The following GRIFIN variants were observed in gnomAD, a reference collection of about 807,000 sequenced individuals.
GRIFIN encodes the protein putative grifin.
GRIFIN carries 22 observed loss-of-function variants against 18.2 expected under a neutral mutation model. The ratio of observed to expected loss-of-function variants is 1.21; its 90% CI spans 0.86 to 1.73. The LOEUF is 1.73. Among genes scored for constraint, GRIFIN ranks in the 40% most tolerant of loss-of-function variants. GRIFIN has a pLI of 0.00. For missense variants in GRIFIN, 200 were observed against 190.1 expected (o/e 1.05, Z -0.31); for synonymous variants, 101 against 82.8 (o/e 1.22, Z -1.19).
At chr7:2,475,115 G>A (rs1161995064) in intron 4 of GRIFIN, 26 bp downstream of exon 4, 1 of 1,558,854 alleles carries the variant, frequency 6.4e-7, no homozygotes, top group Non-Finnish European at 8.6e-7. Flanking sequence ...AATGGGCAGG[G>A]ACCTGGGTAG....
In GRIFIN at chr7:2,475,199, C is replaced by T. The variant is rs371591765; in HGVS notation, c.361G>A (p.Val121Met). ...RPLGATTRVR[V>M]LSDHCLAQVE... ...TGGGCCAGGCAGTGGTCACTCAGCA[C>T]GCGCACCCTGGTGGTGGCGCCCAGC... Residue 121 changes from valine to methionine, a missense_variant, in exon 4 of 5, where the codon GTG becomes ATG. Val to Met is a conservative substitution (Grantham distance 21). Transcript: ENST00000614228. 10 of 1,595,084 alleles carry T rather than the reference C, an allele frequency of 6.3e-6. No individual in the cohort carries two copies. Among genetic ancestry groups the T allele is most frequent in the Admixed American group, 1.7e-5 (1 of 59,504 alleles).
intron 1 of GRIFIN, 105 bp from the exon 2 acceptor site, chr7:2,476,104 C>G: frequency 1.0e-6 from 1 of 995,138 alleles, no homozygotes; most frequent in South Asian, 1.6e-5. Context: ...CCTGCCCACC[C>G]AGCCTGCCCC....
chr7:2,475,005 G>C lies in GRIFIN; in HGVS notation c.420-120C>G, dbSNP rs1172921083. The C allele has an allele frequency of 3.0e-6, 3 of 1,010,018 alleles. No individual in the cohort carries two copies. In the African/African-American group the frequency reaches 4.8e-5, roughly 16 times the overall value. 62.6% of individuals were successfully genotyped at this position (1,010,018 alleles called of 1,614,324 possible). On this transcript the variant is annotated intron_variant, in intron 4 of 4. Coordinates refer to ENST00000614228, the MANE Select transcript of GRIFIN (RefSeq NM_001394787.1). ...TGCAGGGCTGGCAGGGAGAGGAGCA[G>C]GGTGGGACGCCAGGCAGACAACCCC...
chr7:2,475,217 C>T lies in GRIFIN; in HGVS notation c.343G>A (p.Ala115Thr), dbSNP rs574460111. The change falls in exon 4 of 5, where the codon GCC (alanine) becomes ACC (threonine). Residue 115 changes from alanine to threonine, a missense_variant. Ala to Thr is a moderately conservative substitution (Grantham distance 58). Coordinates refer to ENST00000614228, the MANE Select transcript of GRIFIN (RefSeq NM_001394787.1). ...QFPCRQRPLG[A>T]TTRVRVLSDH... is the part of the protein sequence containing the mutation. ...CTCAGCACGCGCACCCTGGTGGTGG[C>T]GCCCAGCGGCCTCTGACGGCATGGG... 47 of 1,596,316 alleles carry T rather than the reference C, an allele frequency of 2.9e-5. No homozygotes were observed. Among genetic ancestry groups the T allele is most frequent in the Admixed American group, 1.5e-4 (9 of 59,668 alleles).
intron 1 of GRIFIN, 62 bp from the exon 2 acceptor site, chr7:2,476,061 A>G (rs889498742): frequency 2.5e-6 from 2 of 786,338 alleles, no homozygotes; most frequent in African/African-American, 3.3e-5. Context: ...TCCCACCCCC[A>G]CCCCCACCCT....
rs1778944767 is a variant in GRIFIN at position 2,475,559 on chromosome 7, C to A, written c.252+110G>T. On this transcript the variant is annotated intron_variant, in intron 3 of 4. Transcript: ENST00000614228. Reference sequence around the variant, plus strand: ...GGCCAGGGAGGCCACCCAGACCTTGCCCTGGCCCACTGACCTGTAAGCGTC... The same window carrying A: ...GGCCAGGGAGGCCACCCAGACCTTGACCTGGCCCACTGACCTGTAAGCGTC... 5 of 1,380,622 alleles carry A rather than the reference C, an allele frequency of 3.6e-6. No individual in the cohort carries two copies. In the Middle Eastern group the frequency reaches 7.9e-4, roughly 218 times the overall value. 85.5% of individuals were successfully genotyped at this position (1,380,622 alleles called of 1,614,324 possible). A position where few individuals can be genotyped will look rare whatever the true frequency, so the allele number is the denominator to read the frequency against.
chr7:2,475,723 C>A lies in GRIFIN; in HGVS notation c.198G>T (p.Trp66Cys). Residue 66 changes from tryptophan to cysteine, a missense_variant, in exon 3 of 5, where the codon TGG (tryptophan) becomes TGT (cysteine). Transcript: ENST00000614228. ...AGATGCTAGACACCTGCTCCGGGCC[C>A]CAGCGGCCGTACTGGAAGGCATTGC... ...VVGNAFQYGR[W>C]GPEQVSSIFP... The A allele has an allele frequency of 6.4e-7, 1 of 1,553,308 alleles. No individual in the cohort carries two copies. Among genetic ancestry groups the A allele is most frequent in the East Asian group, 2.4e-5 (1 of 42,246 alleles).
intron 4 of GRIFIN, 42 bp from the exon 5 acceptor site, chr7:2,474,927 A>G (rs1778928656): frequency 4.9e-6 from 3 of 617,030 alleles, no homozygotes; most frequent in Non-Finnish European, 8.5e-6. Flanking sequence ...TGCCCTGCCC[A>G]TGCACAGACC....
In GRIFIN at chr7:2,475,253, C is replaced by T. The variant is rs1179561291; in HGVS notation, c.307G>A (p.Val103Met). ...HFHVYAPEHKVLQFPCRQRPL... is the reference protein window; with the variant it reads ...HFHVYAPEHKMLQFPCRQRPL... ...CTCTGACGGCATGGGAACTGTAGCA[C>T]CTTGTGCTCCGGGGCGTAGACGTGG... The change falls in exon 4 of 5, where the codon GTG becomes ATG. Residue 103 changes from valine to methionine, a missense_variant. Transcript: ENST00000614228. 1.3e-6 allele frequency: 2 copies of T among 1,597,278 alleles called. No individual in the cohort carries two copies. The highest frequency in any genetic ancestry group is 1.1e-5 in the South Asian group (1 of 90,732).
chr7:2,475,552 G>T (rs1375315225), intron 3 of GRIFIN, 117 bp downstream of exon 3: 2 of 1,350,226 alleles, frequency 1.5e-6, no homozygotes, highest in African/African-American at 1.5e-5. Context: ...AGGCCACCCA[G>T]ACCTTGCCCT....
chr7:2,476,107 C>T, intron 1 of GRIFIN, 108 bp from the exon 2 acceptor site: 1 of 979,684 alleles, frequency 1.0e-6, no homozygotes, highest in Non-Finnish European at 1.5e-6. Flanking sequence ...GCCCACCCAG[C>T]CTGCCCCCAA....
chr7:2,475,834 G>A lies in GRIFIN; in HGVS notation c.93-6C>T, dbSNP rs1163902913. 1.7e-5 allele frequency: 26 copies of A among 1,575,560 alleles called. No homozygotes were observed. Among genetic ancestry groups the A allele is most frequent in the Non-Finnish European group, 2.2e-5 (26 of 1,162,340 alleles). On this transcript the variant is annotated splice_polypyrimidine_tract_variant and splice_region_variant and intron_variant, in intron 2 of 4. Coordinates refer to ENST00000614228, the MANE Select transcript of GRIFIN (RefSeq NM_001394787.1). ...ACAAGAAGTTAGTCTCGAACCTGGG[G>A]CGGACATGGTGCGGGTCAAGAGCTG...
Position 2,474,758 on chromosome 7 carries a change from T to G in GRIFIN, c.*112A>C, listed in dbSNP as rs969143326. On this transcript the variant is annotated 3_prime_UTR_variant, in exon 5 of 5. Transcript: ENST00000614228. ...TCTCAGAGTTTATTGAAGGTGGAGC[T>G]GCGAGGAGCACACAGGACCACAGAC... 2.4e-6 allele frequency: 1 copy of G among 418,672 alleles called. No individual in the cohort carries two copies. The highest frequency in any genetic ancestry group is 2.0e-5 in the African/African-American group (1 of 49,552). The allele number at this position is 418,672 out of a possible 1,614,324, so 25.9% of individuals were successfully genotyped here.
Position 2,475,244 on chromosome 7 carries a change from A to G in GRIFIN, c.316T>C (p.Phe106Leu), listed in dbSNP as rs1305397998. The G allele has an allele frequency of 5.0e-6, 8 of 1,597,360 alleles. No individual in the cohort carries two copies. Among genetic ancestry groups the G allele is most frequent in the Admixed American group, 1.7e-5 (1 of 59,820 alleles). ...CCCAGCGGCCTCTGACGGCATGGGA[A>G]CTGTAGCACCTTGTGCTCCGGGGCG... is the stretch of plus-strand genomic sequence containing the variant. ...VYAPEHKVLQ[F>L]PCRQRPLGAT... is the part of the protein sequence containing the mutation. Residue 106 changes from phenylalanine (F) to leucine (L), a missense_variant, in exon 4 of 5, where the codon TTC becomes CTC. By Grantham distance (22) the Phe-to-Leu change is conservative. Transcript: ENST00000614228.
chr7:2,475,498 G>T (rs1778943686), intron 3 of GRIFIN, 171 bp downstream of exon 3: 2 of 1,166,624 alleles, frequency 1.7e-6, no homozygotes, highest in African/African-American at 1.6e-5. Context: ...TGGTAGCCAG[G>T]GTGGTGGGTA....
In GRIFIN at chr7:2,475,932, G is replaced by A. The variant is rs1415410587; in HGVS notation, c.80C>T (p.Ser27Phe). ...CGGTGCCGCTGACCTGTCCTCTCCA[G>A]AGTCAGCATGTCCCTGGACCAGCAG... ...WKLLVQGHAD[S>F]GEDRFETNFL... Residue 27 changes from serine (S) to phenylalanine (F), a missense_variant, in exon 2 of 5, where the codon TCT (serine) becomes TTT (phenylalanine). Transcript: ENST00000614228. The A allele has an allele frequency of 1.3e-6, 2 of 1,598,254 alleles. No individual in the cohort carries two copies. Among genetic ancestry groups the A allele is most frequent in the African/African-American group, 2.7e-5 (2 of 74,894 alleles).
In GRIFIN at chr7:2,476,356, C is replaced by G. The variant is rs756573170; in HGVS notation, c.12+16G>C. On this transcript the variant is annotated intron_variant, in intron 1 of 4. Transcript: ENST00000614228. Reference sequence around the variant, plus strand: ...CCTGCACCGTTCTCCTTCTCCAGGTCCAGGGTCTCACCCACCTGCACTGCC... The same window carrying G: ...CCTGCACCGTTCTCCTTCTCCAGGTGCAGGGTCTCACCCACCTGCACTGCC... 2 of 1,574,426 alleles carry G rather than the reference C, an allele frequency of 1.3e-6. No individual in the cohort carries two copies. Among genetic ancestry groups the G allele is most frequent in the African/African-American group, 2.7e-5 (2 of 73,954 alleles).
chr7:2,476,008 A>G lies in GRIFIN; in HGVS notation c.13-9T>C, dbSNP rs781428560. ...GCACAGAAGGCTTTAGACTGAGTGGAAGAGACAGGGGGACCAGCCTCATGG... is the reference window on the plus strand; with the variant it reads ...GCACAGAAGGCTTTAGACTGAGTGGGAGAGACAGGGGGACCAGCCTCATGG... On this transcript the variant is annotated splice_polypyrimidine_tract_variant and intron_variant, in intron 1 of 4. Transcript: ENST00000614228. 5 of 1,596,424 alleles carry G rather than the reference A, an allele frequency of 3.1e-6. No homozygotes were observed. The East Asian group carries it at 6.7e-5, about 21-fold the overall frequency.
At chr7:2,475,066 GA>G (rs1778930749) in intron 4 of GRIFIN, 74 bp downstream of exon 4, 27 of 1,483,564 alleles carry the variant, frequency 1.8e-5, no homozygotes, top group Non-Finnish European at 2.3e-5. Flanking sequence ...ATCAGGGTGA[GA>G]AGCAAAATCC....
Sources: gnomAD v4.1 joint callset for allele counts on GRCh38, gnomAD v4.1.1 for gene constraint, MANE v1.5 for transcripts, NCBI Gene and HGNC (gene_info 2026-07-23, HGNC 2026-07-21) for gene names.